The following TOGARAM2 variants were observed in gnomAD, a reference collection of about 807,000 sequenced individuals.
TOGARAM2 encodes TOG array regulator of axonemal microtubules protein 2.
A neutral mutation model predicts 93.3 loss-of-function variants in TOGARAM2; 85 were observed. The ratio of observed to expected loss-of-function variants is 0.91; its 90% CI spans 0.76 to 1.09. The LOEUF (loss-of-function observed/expected upper bound fraction) is 1.09. Ranked by LOEUF, TOGARAM2 falls within the 50% of genes least tolerant of loss-of-function variation. TOGARAM2 has a pLI of 0.00. For synonymous variants in TOGARAM2, 593 were observed against 552.8 expected, an observed-to-expected ratio of 1.07 and a Z score of -1.02; for missense variants, 1,277 against 1,334.5, an observed-to-expected ratio of 0.96 and a Z score of 0.67.
intron 1 of TOGARAM2, among the ~76,000 whole-genome samples, chr2:28,994,236 A>G (rs375127912): frequency 9.2e-5 from 14 of 152,228 alleles, no homozygotes; most frequent in African/African-American, 3.1e-4. Flanking sequence ...AGGAGCACCA[A>G]GGACGTCATG....
chr2:28,975,532 C>T (rs180811122), intron 1 of TOGARAM2, among the ~76,000 whole-genome samples: 30 of 152,192 alleles, frequency 2.0e-4, no homozygotes, highest in Admixed American at 1.6e-3. Flanking sequence ...GTTTTAAGCA[C>T]GTTCATAATT....
chr2:29,017,433 G>T, intron 9 of TOGARAM2, 129 bp downstream of exon 9: 1 of 971,214 alleles, frequency 1.0e-6, no homozygotes, highest in Non-Finnish European at 1.4e-6. Flanking sequence ...TAGAGATGGA[G>T]CCTCACTCTG....
At chr2:29,028,161 G>T (rs1665527007) in intron 14 of TOGARAM2, among the ~76,000 whole-genome samples, 1 of 152,160 alleles carries the variant, frequency 6.6e-6, no homozygotes, top group South Asian at 2.1e-4. Flanking sequence ...ATTTGGATGA[G>T]TGTGTAGGTC....
chr2:29,032,809 T>A (rs1390001628), intron 14 of TOGARAM2, 125 bp from the exon 15 acceptor site: 1 of 713,808 alleles, frequency 1.4e-6, no homozygotes, highest in Non-Finnish European at 2.3e-6. Flanking sequence ...GGGTAGGGAT[T>A]GCTTTTGTAA....
chr2:28,964,887 C>T (rs770767340), intron 1 of TOGARAM2, among the ~76,000 whole-genome samples: 7 of 152,152 alleles, frequency 4.6e-5, no homozygotes, highest in Non-Finnish European at 1.0e-4. Context: ...TCCAGTCTAT[C>T]ACGGATGGGC....
intron 1 of TOGARAM2, among the ~76,000 whole-genome samples, chr2:28,988,900 C>T (rs1312524914): frequency 6.6e-6 from 1 of 152,214 alleles, no homozygotes. Flanking sequence ...ACTCTCTGCT[C>T]ATCTGGCTCT....
Position 29,035,629 on chromosome 2 carries a change from G to A in TOGARAM2, c.2391G>A (p.Thr797=), listed in dbSNP as rs772763655. Residue 797 remains threonine (T), a synonymous_variant, in exon 17 of 20, where the codon ACG becomes ACA. Transcript: ENST00000379558. The part of the protein sequence containing the change: ...GQLLELCKAK[T]ELVTAHLVQV... ...TCCTGGAGCTCTGCAAGGCCAAGAC[G>A]GAGCTTGTCACTGCCCACCTGGTCC... 6.5e-6 allele frequency: 10 copies of A among 1,529,302 alleles called. No homozygotes were observed. Among genetic ancestry groups the A allele is most frequent in the Admixed American group, 2.0e-5 (1 of 49,816 alleles). 94.7% of individuals were successfully genotyped at this position (1,529,302 alleles called of 1,614,324 possible).
rs115816526 is a variant in TOGARAM2 at position 29,037,994 on chromosome 2, T to G, written c.2635+1237T>G. ...TCTAGGGAGAGGAATTTTTAACTCT[T>G]CCCCCTCCAGGTGTTTTAGTTTCCA... is the stretch of plus-strand genomic sequence containing the variant. On this transcript the variant is annotated intron_variant, in intron 18 of 19. Transcript: ENST00000379558. Among the ~76,000 whole-genome samples the G allele has an allele frequency of 9.4e-3, 1,430 of 152,262 alleles. 18 individuals carry two copies. The highest frequency in any genetic ancestry group is 0.032 in the African/African-American group (1,349 of 41,546).
chr2:29,006,873 A>G (rs1417448404), intron 6 of TOGARAM2, among the ~76,000 whole-genome samples: 1 of 152,048 alleles, frequency 6.6e-6, no homozygotes, highest in Non-Finnish European at 1.5e-5. Context: ...GAGCAGCCTT[A>G]TCTGTGCCTC....
In TOGARAM2 at chr2:29,010,028, GGT is replaced by G. The variant is rs56239245; in HGVS notation, c.831-1400_831-1399del. ...GAGGCCAAATCCCTTGCTCAGAGCA[GGT>G]GTGTGTGTGTGTGTGTGTGTGTGTG... On this transcript the variant is annotated intron_variant, in intron 6 of 19. Coordinates refer to ENST00000379558, the MANE Select transcript of TOGARAM2 (RefSeq NM_199280.4). 8.4e-3 allele frequency among the ~76,000 whole-genome samples: 1,251 copies of G among 148,724 alleles called. 15 individuals are homozygous for G. Among genetic ancestry groups the G allele is most frequent in the African/African-American group, 0.027 (1,094 of 40,228 alleles).
At position 29,011,376 on chromosome 2, in the gene TOGARAM2, G is replaced by A; in HGVS notation, c.831-79G>A. ...CCCATCTCGGCCATTGCCCCATCCTGGAGCCACCCTGGGCTCCCCCAGCAG... is the reference window on the plus strand; with the variant it reads ...CCCATCTCGGCCATTGCCCCATCCTAGAGCCACCCTGGGCTCCCCCAGCAG... On this transcript the variant is annotated intron_variant, in intron 6 of 19. Transcript: ENST00000379558. 2.8e-6 allele frequency: 4 copies of A among 1,407,558 alleles called. No individual in the cohort carries two copies. The South Asian group carries it at 4.8e-5, about 17-fold the overall frequency. 87.2% of individuals were successfully genotyped at this position (1,407,558 alleles called of 1,614,324 possible). A position where few individuals can be genotyped will look rare whatever the true frequency, so the allele number is the denominator to read the frequency against.
In TOGARAM2 at chr2:29,022,255, G is replaced by A. The variant is rs776145601; in HGVS notation, c.1458G>A (p.Ser486=). ...CCTGTAAGGAGTTGAGGCCTTTCTCGAACCCGGAGCTGGGGCTGAGGGATG... is the reference window on the plus strand; with the variant it reads ...CCTGTAAGGAGTTGAGGCCTTTCTCAAACCCGGAGCTGGGGCTGAGGGATG... The part of the protein sequence containing the change: ...LRACKELRPF[S]NPELGLRDAL... The change falls in exon 11 of 20, where the codon TCG becomes TCA. Residue 486 remains serine (S), a synonymous_variant. Coordinates refer to ENST00000379558, the MANE Select transcript of TOGARAM2 (RefSeq NM_199280.4). 36 of 1,613,896 alleles carry A rather than the reference G, an allele frequency of 2.2e-5. No individual in the cohort carries two copies. The highest frequency in any genetic ancestry group is 3.3e-4 in the Middle Eastern group (2 of 6,082).
chr2:29,005,977 G>A lies in TOGARAM2; in HGVS notation c.830+2295G>A, dbSNP rs891329342. 4.9e-5 allele frequency among the ~76,000 whole-genome samples: 3 copies of A among 61,068 alleles called. 1 individual carries two copies. The highest frequency in any genetic ancestry group is 1.1e-3 in the South Asian group (2 of 1,868). The allele number at this position is 61,068 out of a possible 152,430, so 40.1% of individuals were successfully genotyped here. A position where few individuals can be genotyped will look rare whatever the true frequency, so the allele number is the denominator to read the frequency against. The stretch of plus-strand genomic sequence containing the variant: ...CATATGTGTATTTGTGTGTGAGACC[G>A]TATGAGTGCATGTGTAGGGTGTGTA... On this transcript the variant is annotated intron_variant, in intron 6 of 19. Transcript: ENST00000379558.
intron 5 of TOGARAM2, 125 bp from the exon 6 acceptor site, chr2:29,003,367 G>A: frequency 1.4e-6 from 1 of 733,174 alleles, no homozygotes; most frequent in Admixed American, 4.1e-5. Context: ...TCAGGCTTCT[G>A]GGGGTCCCAG....
At chr2:29,021,580 G>A (rs2148344491) in intron 10 of TOGARAM2, among the ~76,000 whole-genome samples, 1 of 152,302 alleles carries the variant, frequency 6.6e-6, no homozygotes, top group East Asian at 1.9e-4. Context: ...GTTTGTTGTG[G>A]GTCCCTGTGT....
intron 1 of TOGARAM2, among the ~76,000 whole-genome samples, chr2:28,973,855 G>GTC (rs561327868): frequency 6.6e-6 from 1 of 152,120 alleles, no homozygotes; most frequent in South Asian, 2.1e-4. Context: ...TTGCGGGTAG[G>GTC]TCTGACTGTG....
At chr2:28,975,515 T>C (rs1449804755) in intron 1 of TOGARAM2, among the ~76,000 whole-genome samples, 1 of 152,182 alleles carries the variant, frequency 6.6e-6, no homozygotes, top group African/African-American at 2.4e-5. Flanking sequence ...ATTTTATTTT[T>C]TAATGTGTTT....
chr2:28,980,974 CTCTG>C (rs1672159713), upstream of TOGARAM2, among the ~76,000 whole-genome samples: 1 of 152,224 alleles, frequency 6.6e-6, no homozygotes, highest in African/African-American at 2.4e-5. Flanking sequence ...TGGATGCTCA[CTCTG>C]TCTTTCTGCC....
In TOGARAM2 at chr2:28,992,961, G is replaced by A. The variant is rs1672806886; in HGVS notation, c.-110-1764G>A. On this transcript the variant is annotated intron_variant, in intron 1 of 19. Coordinates refer to ENST00000379558, the MANE Select transcript of TOGARAM2 (RefSeq NM_199280.4). Reference sequence around the variant, plus strand: ...TGTAATCCCAGCTACTTGGGAGGCTGAGGCAGGAGAATGGCTTGAATCCGG... The same window carrying A: ...TGTAATCCCAGCTACTTGGGAGGCTAAGGCAGGAGAATGGCTTGAATCCGG... 2.6e-5 allele frequency among the ~76,000 whole-genome samples: 4 copies of A among 152,062 alleles called. No individual in the cohort carries two copies. In the East Asian group the frequency reaches 7.7e-4, roughly 29 times the overall value.
Sources: allele counts gnomAD v4.1 joint callset (sites outside exome capture counted in the v4.1 genomes callset), GRCh38; gene constraint gnomAD v4.1.1; transcripts MANE v1.5; gene names NCBI Gene and HGNC (gene_info 2026-07-23, HGNC 2026-07-21).